CAPN13: variants seen among roughly 807,000 people sequenced by gnomAD.
CAPN13 encodes calpain 13, also known as calpain-13.
A neutral mutation model predicts 98.4 loss-of-function variants in CAPN13; 90 were observed. The ratio of observed to expected loss-of-function variants is 0.92; its 90% confidence interval spans 0.77 to 1.09. The LOEUF (loss-of-function observed/expected upper bound fraction) is 1.09. Ranked by LOEUF, CAPN13 falls within the 50% of genes least tolerant of loss-of-function variation. The pLI is 0.00. For missense variants in CAPN13, 887 were observed against 841.3 expected (o/e 1.05, Z -0.67); for synonymous variants, 330 against 305.5 (o/e 1.08, Z -0.84).
At position 30,738,299 on chromosome 2, in the gene CAPN13, G is replaced by A; in HGVS notation, c.1595-6C>T. On this transcript the variant is annotated splice_polypyrimidine_tract_variant and splice_region_variant and intron_variant, in intron 16 of 22. Coordinates refer to ENST00000295055, the MANE Select transcript of CAPN13 (RefSeq NM_144575.3). ...GAACATGTCCCCTGGAGGTCCTGAG[G>A]AGAGAAGGACAGGAAGGACTGAAGT... 1 of 1,613,896 alleles carries A rather than the reference G, an allele frequency of 6.2e-7. No homozygotes were observed. Among genetic ancestry groups the A allele is most frequent in the Non-Finnish European group, 8.5e-7 (1 of 1,179,810 alleles).
chr2:30,748,996 T>C (rs928962139), intron 11 of CAPN13, among the ~76,000 whole-genome samples: 1 of 152,112 alleles, frequency 6.6e-6, no homozygotes, highest in Non-Finnish European at 1.5e-5. Context: ...CTGAGAGCCC[T>C]GGAGCTGAGA....
intron 11 of CAPN13, 101 bp downstream of exon 11, chr2:30,751,002 G>A: frequency 7.6e-7 from 1 of 1,321,228 alleles, no homozygotes; most frequent in Non-Finnish European, 1.0e-6. Context: ...CTCCAAGGCT[G>A]TGGTGCAGTC....
chr2:30,792,407 C>T (rs1483453893), intron 1 of CAPN13, among the ~76,000 whole-genome samples: 1 of 152,012 alleles, frequency 6.6e-6, no homozygotes, highest in Non-Finnish European at 1.5e-5. Context: ...CATTAAAGGG[C>T]TAATAAGAGA....
intron 1 of CAPN13, among the ~76,000 whole-genome samples, chr2:30,805,099 T>C (rs1675534798): frequency 6.6e-6 from 1 of 152,176 alleles, no homozygotes; most frequent in Admixed American, 6.5e-5. Context: ...CAATTAGATC[T>C]AGTTTTCCCA....
intron 1 of CAPN13, among the ~76,000 whole-genome samples, chr2:30,792,142 A>G (rs1674635266): frequency 6.6e-6 from 1 of 152,210 alleles, no homozygotes; most frequent in Non-Finnish European, 1.5e-5. Context: ...AGAATTAGGA[A>G]GACGTGAATA....
chr2:30,758,809 T>TCCTTTCCCTTCC (rs772610847), intron 7 of CAPN13, among the ~76,000 whole-genome samples: 1 of 65,650 alleles, frequency 1.5e-5, no homozygotes, highest in African/African-American at 6.4e-5. Flanking sequence ...CCTCCCTCCC[T>TCCTTTCCCTTCC]TCCCTTCCTC....
At chr2:30,735,096 A>T (rs2609912) in intron 18 of CAPN13, among the ~76,000 whole-genome samples, 2,723 of 152,288 alleles carry the variant, frequency 0.018, 82 homozygotes, top group African/African-American at 0.062. Flanking sequence ...TGCTTCCTGG[A>T]GCCCAGCACA....
At chr2:30,731,073 G>A (rs997328008) in intron 21 of CAPN13, among the ~76,000 whole-genome samples, 5 of 152,168 alleles carry the variant, frequency 3.3e-5, no homozygotes, top group East Asian at 3.9e-4. Flanking sequence ...TGAGCTCAGC[G>A]GGCTGTCCTT....
At chr2:30,745,584 G>A (rs1237440161) in intron 12 of CAPN13, 139 bp downstream of exon 12, 11 of 766,444 alleles carry the variant, frequency 1.4e-5, no homozygotes, top group Non-Finnish European at 2.3e-5. Flanking sequence ...GGGATTCTAG[G>A]CCTGTGTCTG....
At chr2:30,744,694 G>T (rs1214997872) in intron 12 of CAPN13, among the ~76,000 whole-genome samples, 1 of 152,164 alleles carries the variant, frequency 6.6e-6, no homozygotes, top group African/African-American at 2.4e-5. Context: ...GAACAGACTT[G>T]CTCAGTGGCA....
intron 19 of CAPN13, 45 bp from the exon 20 acceptor site, chr2:30,732,611 G>A (rs1269431417): frequency 8.2e-6 from 13 of 1,578,222 alleles, no homozygotes; most frequent in Admixed American, 7.2e-5. Context: ...GCTAGGGCTC[G>A]GGGGTTCCTC....
At position 30,730,427 on chromosome 2, in the gene CAPN13, C is replaced by T. The variant is rs79882499; in HGVS notation, c.*30+303G>A. Among the ~76,000 whole-genome samples, 1,078 of 152,302 alleles carry T rather than the reference C, an allele frequency of 7.1e-3. 12 individuals are homozygous for T. The highest frequency in any genetic ancestry group is 0.025 in the African/African-American group (1,032 of 41,552). On this transcript the variant is annotated intron_variant, in intron 22 of 22. Coordinates refer to ENST00000295055, the MANE Select transcript of CAPN13 (RefSeq NM_144575.3). The stretch of plus-strand genomic sequence containing the variant: ...ATTCCATTTCCACCATTTCTCTTGC[C>T]CTTCCCGTGATGAGAGATACTTTTT...
intron 7 of CAPN13, among the ~76,000 whole-genome samples, chr2:30,761,800 T>C (rs1572836533): frequency 6.6e-6 from 1 of 151,986 alleles, no homozygotes; most frequent in East Asian, 1.9e-4. Flanking sequence ...GGGACACCGA[T>C]CAAACCATGA....
At chr2:30,787,801 G>T (rs868045984) in intron 1 of CAPN13, among the ~76,000 whole-genome samples, 1 of 152,138 alleles carries the variant, frequency 6.6e-6, no homozygotes, top group African/African-American at 2.4e-5. Context: ...GGATGACATT[G>T]CCAGAAAGGT....
At chr2:30,743,871 G>C (rs939368) in intron 12 of CAPN13, 1 of 500,714 alleles carries the variant, frequency 2.0e-6, no homozygotes, top group African/African-American at 1.9e-5. Context: ...CTTATATAGA[G>C]AGAAAACTTC....
chr2:30,770,239 G>GCCTTTTT lies in CAPN13; in HGVS notation c.524+73_524+74insAAAAAGG. 2.5e-6 allele frequency: 4 copies of GCCTTTTT among 1,569,998 alleles called. No homozygotes were observed. The Admixed American group carries it at 7.1e-5, about 28-fold the overall frequency. ...TGGCAAAGGCTGCAATGCTCCAACA[G>GCCTTTTT]GGACTGTTTGCATTCCGGGTAGGCA... On this transcript the variant is annotated intron_variant, in intron 5 of 22. Coordinates refer to ENST00000295055, the MANE Select transcript of CAPN13 (RefSeq NM_144575.3).
Position 30,764,319 on chromosome 2 carries a change from G to T in CAPN13, c.525-13C>A, listed in dbSNP as rs762293807. 9.9e-6 allele frequency: 16 copies of T among 1,612,470 alleles called. No homozygotes were observed. Among genetic ancestry groups the T allele is most frequent in the Non-Finnish European group, 1.3e-5 (15 of 1,179,324 alleles). ...GGATCCGAGCAGCCTGGGAGGGAAT[G>T]GGGGATGAACCATCGTGGTGCCTTT... On this transcript the variant is annotated splice_polypyrimidine_tract_variant and intron_variant, in intron 5 of 22. Transcript: ENST00000295055.
intron 22 of CAPN13, among the ~76,000 whole-genome samples, chr2:30,728,598 G>A (rs1270511164): frequency 6.6e-6 from 1 of 152,194 alleles, no homozygotes; most frequent in Non-Finnish European, 1.5e-5. Context: ...AGGAAAAAGA[G>A]GGACAAGTTG....
At chr2:30,804,914 G>T (rs772995204) in intron 1 of CAPN13, among the ~76,000 whole-genome samples, 1 of 152,182 alleles carries the variant, frequency 6.6e-6, no homozygotes, top group Non-Finnish European at 1.5e-5. Flanking sequence ...AGTGCTGTAC[G>T]CAGTGTTCAG....
Sources: gnomAD v4.1 joint callset for allele counts (sites outside exome capture counted in the v4.1 genomes callset) on GRCh38, gnomAD v4.1.1 for gene constraint, MANE v1.5 for transcripts, NCBI Gene and HGNC (gene_info 2026-07-23, HGNC 2026-07-21) for gene names.